The following PTK2 variants were observed in gnomAD, a reference collection of about 807,000 sequenced individuals.
The protein encoded by PTK2 is protein tyrosine kinase 2, also known as focal adhesion kinase 1.
In PTK2, 45 loss-of-function variants were observed where a neutral mutation model predicts 150.1. The ratio of observed to expected loss-of-function variants is 0.30; its 90% CI spans 0.24 to 0.38. The LOEUF is 0.38. Ranked by LOEUF, PTK2 falls within the 10% of genes least tolerant of loss-of-function variation. PTK2 has a pLI of 1.00. For missense variants in PTK2, 919 were observed against 1,307.3 expected (o/e 0.70, Z 4.58); for synonymous variants, 432 against 449.2 (o/e 0.96, Z 0.48).
At chr8:140,788,806 CAT>C (rs2100086524) in intron 14 of PTK2, among the ~76,000 whole-genome samples, 1 of 152,130 alleles carries the variant, frequency 6.6e-6, no homozygotes, top group African/African-American at 2.4e-5. Context: ...GAACAAATTA[CAT>C]ATGTGTGTAT....
chr8:140,877,189 C>G (rs535336842), intron 4 of PTK2, among the ~76,000 whole-genome samples: 1 of 151,978 alleles, frequency 6.6e-6, no homozygotes, highest in African/African-American at 2.4e-5. Context: ...CCCGCCACCA[C>G]GCCTGGCTAA....
chr8:140,789,434 T>A, intron 14 of PTK2, 40 bp downstream of exon 14: 1 of 1,602,706 alleles, frequency 6.2e-7, no homozygotes, highest in Non-Finnish European at 8.5e-7. Flanking sequence ...TCTTACCCCA[T>A]GAGAGTGCTT....
intron 22 of PTK2, among the ~76,000 whole-genome samples, chr8:140,720,598 C>T (rs2100042344): frequency 6.6e-6 from 1 of 152,080 alleles, no homozygotes; most frequent in Non-Finnish European, 1.5e-5. Flanking sequence ...AGGGTTGTTG[C>T]GAATATCTAA....
chr8:140,695,456 G>A (rs1433141477), intron 26 of PTK2, among the ~76,000 whole-genome samples: 3 of 151,500 alleles, frequency 2.0e-5, no homozygotes, highest in Non-Finnish European at 4.4e-5. Context: ...TGTCACCCAG[G>A]CTGGAGTGTA....
intron 7 of PTK2, among the ~76,000 whole-genome samples, chr8:140,840,411 A>AAAT (rs1211852343): frequency 1.3e-5 from 2 of 151,710 alleles, no homozygotes; most frequent in Non-Finnish European, 1.5e-5. Context: ...TAACTGTATA[A>AAAT]AATAATAATA....
At chr8:140,782,795 T>C (rs993751591) in intron 14 of PTK2, among the ~76,000 whole-genome samples, 1 of 152,128 alleles carries the variant, frequency 6.6e-6, no homozygotes, top group Non-Finnish European at 1.5e-5. Context: ...TTTTTCAAAC[T>C]TGAATACAGG....
chr8:140,992,095 C>G lies in PTK2; in HGVS notation c.-122+9030G>C, dbSNP rs564697447. ...TCACCTGAGGTCAGGAGTTTGAGAC[C>G]AGCCTGGCCAACATGGTGAAACCCC... On this transcript the variant is annotated intron_variant, in intron 1 of 31. Coordinates refer to ENST00000522684, the Ensembl canonical transcript of PTK2. Among the ~76,000 whole-genome samples the G allele has an allele frequency of 5.3e-5, 8 of 152,148 alleles. No individual in the cohort carries two copies. In the South Asian group the frequency reaches 1.5e-3, roughly 28 times the overall value.
At chr8:140,884,600 T>C (rs190421052) in intron 3 of PTK2, among the ~76,000 whole-genome samples, 17 of 152,290 alleles carry the variant, frequency 1.1e-4, no homozygotes, top group East Asian at 1.9e-4. Flanking sequence ...CTGAAGACCG[T>C]TGGACTGCTC....
intron 14 of PTK2, 94 bp from the exon 17 acceptor site, chr8:140,764,384 T>A (rs749085556): frequency 1.1e-6 from 1 of 938,538 alleles, no homozygotes; most frequent in Non-Finnish European, 1.7e-6. Context: ...TCTGCTTAAA[T>A]CCTCTACTAC....
chr8:140,931,911 C>G (rs1439733539), intron 1 of PTK2, among the ~76,000 whole-genome samples: 5 of 122,462 alleles, frequency 4.1e-5, no homozygotes, highest in African/African-American at 1.3e-4. Flanking sequence ...CCAGCCTGGG[C>G]GACAGAGACC....
At chr8:140,829,239 A>G (rs1305109252) in intron 8 of PTK2, among the ~76,000 whole-genome samples, 1 of 152,006 alleles carries the variant, frequency 6.6e-6, no homozygotes, top group Non-Finnish European at 1.5e-5. Context: ...CTTTATATCT[A>G]TTTTTCCCAT....
At chr8:140,918,592 C>A (rs1413135429) in intron 2 of PTK2, among the ~76,000 whole-genome samples, 2 of 152,088 alleles carry the variant, frequency 1.3e-5, no homozygotes, top group Non-Finnish European at 2.9e-5. Flanking sequence ...ATTCTTTACA[C>A]CAAATTCAAC....
rs534715642 is a variant in PTK2, at chr8:140,729,053, T to C, written c.2030+6198A>G. 2.4e-4 allele frequency among the ~76,000 whole-genome samples: 36 copies of C among 152,104 alleles called. No homozygotes were observed. The East Asian group carries it at 6.9e-3, about 29-fold the overall frequency. ...TAGATGCCTTGCAGCTTCACTTAGGTATGATACTGAGAAGCGATATGAAAA... is the reference window on the plus strand; with the variant it reads ...TAGATGCCTTGCAGCTTCACTTAGGCATGATACTGAGAAGCGATATGAAAA... On this transcript the variant is annotated intron_variant, in intron 22 of 31. Coordinates refer to ENST00000522684, the Ensembl canonical transcript of PTK2.
At chr8:140,682,432 G>C (rs2100017590) in intron 27 of PTK2, among the ~76,000 whole-genome samples, 1 of 152,082 alleles carries the variant, frequency 6.6e-6, no homozygotes, top group Non-Finnish European at 1.5e-5. Flanking sequence ...GTTAACAACG[G>C]CTAATATGTG....
chr8:140,934,927 T>A (rs2100173101), intron 1 of PTK2, among the ~76,000 whole-genome samples: 1 of 152,218 alleles, frequency 6.6e-6, no homozygotes, highest in South Asian at 2.1e-4. Flanking sequence ...GAGATTAGAC[T>A]GTTACTGTGT....
chr8:140,841,813 A>T (rs2100122538), intron 7 of PTK2, among the ~76,000 whole-genome samples: 2 of 152,052 alleles, frequency 1.3e-5, no homozygotes, highest in African/African-American at 2.4e-5. Context: ...ATATGTGAAG[A>T]GGTTTAATAT....
At chr8:140,917,185 G>A in intron 2 of PTK2, among the ~76,000 whole-genome samples, 1 of 152,144 alleles carries the variant, frequency 6.6e-6, no homozygotes, top group East Asian at 1.9e-4. Flanking sequence ...GAGGTCAGGA[G>A]TTCGAGACCA....
chr8:140,879,547 G>A (rs766867826), exon 4 of PTK2: 8 of 1,613,714 alleles, frequency 5.0e-6, no homozygotes, highest in Non-Finnish European at 5.1e-6. Context: ...TGAAGCCAGT[G>A]AACCTCCTCT....
At chr8:140,766,879 C>G (rs903323016) in intron 14 of PTK2, among the ~76,000 whole-genome samples, 7 of 152,202 alleles carry the variant, frequency 4.6e-5, no homozygotes, top group Admixed American at 3.9e-4. Context: ...CATCATCTGC[C>G]TTGTAGCACT....
Sources: allele counts gnomAD v4.1 joint callset (sites outside exome capture counted in the v4.1 genomes callset), GRCh38; gene constraint gnomAD v4.1.1; transcripts MANE v1.5; gene names NCBI Gene and HGNC (gene_info 2026-07-23, HGNC 2026-07-21).